Variants in EEFSEC observed in about 807,000 individuals in gnomAD.
EEFSEC encodes the protein eukaryotic elongation factor, selenocysteine-tRNA specific.
Under a neutral mutation model 42.1 loss-of-function variants are expected in EEFSEC, and 43 were observed. The observed-to-expected ratio is 1.02, with a 90% CI of 0.80 to 1.32. EEFSEC has a LOEUF of 1.32. EEFSEC is among the 40% of genes most tolerant of loss of function. EEFSEC has a pLI of 0.00. For missense variants in EEFSEC, 745 were observed against 803.6 expected, an observed-to-expected ratio of 0.93 and a Z score of 0.88; for synonymous variants, 354 against 339.1, an observed-to-expected ratio of 1.04 and a Z score of -0.48.
At chr3:128,403,654 C>T (rs531954433) in intron 6 of EEFSEC, among the ~76,000 whole-genome samples, 18 of 152,098 alleles carry the variant, frequency 1.2e-4, no homozygotes, top group Admixed American at 2.0e-4. Context: ...TACCGCACCA[C>T]GCATGGCACA....
chr3:128,375,091 T>TA (rs1177507708), intron 6 of EEFSEC, among the ~76,000 whole-genome samples: 2 of 152,082 alleles, frequency 1.3e-5, no homozygotes, highest in Admixed American at 6.5e-5. Context: ...TTGTCCTATA[T>TA]AAAAAAAGGA....
intron 1 of EEFSEC, among the ~76,000 whole-genome samples, chr3:128,182,201 A>G (rs973734936): frequency 2.0e-5 from 3 of 152,126 alleles, no homozygotes; most frequent in Admixed American, 6.5e-5. Flanking sequence ...TTGAGTGCCT[A>G]TTAAATTATC....
At chr3:128,413,162 G>A (rs2068185740), downstream of EEFSEC, among the ~76,000 whole-genome samples, 3 of 152,228 alleles carry the variant, frequency 2.0e-5, no homozygotes, top group South Asian at 6.2e-4. Flanking sequence ...TGGCAGCCGA[G>A]GGGAGGGGAC....
intron 6 of EEFSEC, among the ~76,000 whole-genome samples, chr3:128,365,825 C>T (rs1381504127): frequency 6.6e-6 from 1 of 152,212 alleles, no homozygotes; most frequent in Non-Finnish European, 1.5e-5. Flanking sequence ...TTTGCATGGT[C>T]AAAAACAAGG....
chr3:128,339,471 A>C (rs1372965739), intron 4 of EEFSEC, among the ~76,000 whole-genome samples: 1 of 152,240 alleles, frequency 6.6e-6, no homozygotes, highest in Non-Finnish European at 1.5e-5. Flanking sequence ...ATCCATGAAC[A>C]GTTTCCTCTC....
intron 1 of EEFSEC, among the ~76,000 whole-genome samples, chr3:128,191,473 AAT>A (rs1658581726): frequency 6.6e-6 from 1 of 152,046 alleles, no homozygotes; most frequent in African/African-American, 2.4e-5. Context: ...TATGGTAAAA[AAT>A]ATATAACATT....
intron 4 of EEFSEC, among the ~76,000 whole-genome samples, chr3:128,308,500 A>G (rs2066855977): frequency 6.6e-6 from 1 of 152,148 alleles, no homozygotes. Flanking sequence ...AGCTGGAAAA[A>G]CTGAAGCCAA....
intron 1 of EEFSEC, among the ~76,000 whole-genome samples, chr3:128,236,180 G>A (rs563031913): frequency 2.6e-5 from 4 of 152,140 alleles, no homozygotes; most frequent in African/African-American, 4.8e-5. Flanking sequence ...TCACCACATC[G>A]GCCAGGCTGG....
chr3:128,261,502 AAAATACACCAAATGATGGGATTAT>A (rs2066295711), intron 2 of EEFSEC, among the ~76,000 whole-genome samples: 1 of 152,130 alleles, frequency 6.6e-6, no homozygotes, highest in Non-Finnish European at 1.5e-5. Context: ...TGGTTGGAAG[AAAATACACCAAATGATGGGATTAT>A]GGGTTATTTA....
chr3:128,220,303 A>T (rs763604753), intron 1 of EEFSEC, among the ~76,000 whole-genome samples: 1 of 152,224 alleles, frequency 6.6e-6, no homozygotes, highest in Non-Finnish European at 1.5e-5. Context: ...CTAGAGGTGG[A>T]ACCAGGAATA....
intron 1 of EEFSEC, among the ~76,000 whole-genome samples, chr3:128,160,154 G>T (rs557716547): frequency 6.6e-6 from 1 of 152,270 alleles, no homozygotes; most frequent in Non-Finnish European, 1.5e-5. Flanking sequence ...CTGGCCTGTA[G>T]TGAATTATGC....
chr3:128,247,418 A>G (rs535218321), intron 2 of EEFSEC, among the ~76,000 whole-genome samples: 5 of 152,176 alleles, frequency 3.3e-5, no homozygotes, highest in Non-Finnish European at 5.9e-5. Context: ...GCCTACATAT[A>G]TTGGCCATAC....
intron 4 of EEFSEC, among the ~76,000 whole-genome samples, chr3:128,286,629 T>A (rs977782316): frequency 1.3e-5 from 2 of 152,216 alleles, no homozygotes; most frequent in Admixed American, 1.3e-4. Flanking sequence ...TCTGGCACTA[T>A]AAGGTGTTCC....
At chr3:128,312,518 T>C (rs1012452314) in intron 4 of EEFSEC, among the ~76,000 whole-genome samples, 2 of 152,252 alleles carry the variant, frequency 1.3e-5, no homozygotes, top group Admixed American at 1.3e-4. Context: ...GGGTTCAGAA[T>C]ACCAGTGTTT....
intron 6 of EEFSEC, among the ~76,000 whole-genome samples, chr3:128,391,155 C>T (rs1482839368): frequency 2.0e-5 from 3 of 152,220 alleles, no homozygotes; most frequent in South Asian, 2.1e-4. Flanking sequence ...AGTAGGTGCT[C>T]GCTAGCATTC....
intron 4 of EEFSEC, among the ~76,000 whole-genome samples, chr3:128,278,662 A>C (rs959330900): frequency 4.6e-5 from 7 of 152,264 alleles, no homozygotes; most frequent in Non-Finnish European, 1.5e-5. Context: ...CAGCTGTTTC[A>C]TCTAAAGTTA....
chr3:128,266,013 G>A (rs1177747448), intron 4 of EEFSEC, among the ~76,000 whole-genome samples: 1 of 152,172 alleles, frequency 6.6e-6, no homozygotes, highest in Non-Finnish European at 1.5e-5. Context: ...CTACAGGGTA[G>A]GCTGGCAGGA....
At position 128,317,679 on chromosome 3, in the gene EEFSEC, C is replaced by T. The variant is rs181462794; in HGVS notation, c.787-23554C>T. On this transcript the variant is annotated intron_variant, in intron 4 of 6. Transcript: ENST00000254730. This position sits in a 1 kb window ranked among gnomAD's most constrained non-coding sequence, Gnocchi z 4.1. Reference sequence around the variant, plus strand: ...AGTTCCAGCTCCTTGGCCTGACCCTCGGGCTTTGCACTGCCTGGCTCCTGC... The same window carrying T: ...AGTTCCAGCTCCTTGGCCTGACCCTTGGGCTTTGCACTGCCTGGCTCCTGC... 4.6e-4 allele frequency among the ~76,000 whole-genome samples: 70 copies of T among 152,360 alleles called. 2 individuals are homozygous for T. The East Asian group carries it at 8.3e-3, about 18-fold the overall frequency.
intron 4 of EEFSEC, among the ~76,000 whole-genome samples, chr3:128,307,370 T>C (rs1576625352): frequency 2.0e-5 from 3 of 152,176 alleles, no homozygotes; most frequent in Non-Finnish European, 4.4e-5. Flanking sequence ...GGGTGGAGAT[T>C]AGCAGGGGCT....
Sources: allele counts gnomAD v4.1 joint callset (sites outside exome capture counted in the v4.1 genomes callset), GRCh38; gene constraint gnomAD v4.1.1; non-coding constraint Gnocchi (gnomAD v3.1); transcripts MANE v1.5; gene names NCBI Gene and HGNC (gene_info 2026-07-23, HGNC 2026-07-21).